Variants in SLC39A10 observed in about 807,000 individuals in gnomAD.
SLC39A10 encodes solute carrier family 39 member 10.
A neutral mutation model predicts 65.1 loss-of-function variants in SLC39A10; 13 were observed. The ratio of observed to expected loss-of-function variants is 0.20; its 90% CI spans 0.13 to 0.32. The LOEUF (loss-of-function observed/expected upper bound fraction) is 0.32. Among genes scored for constraint, SLC39A10 ranks in the 10% least tolerant of loss-of-function variants. The pLI is 1.00. For synonymous variants in SLC39A10, 321 were observed against 342.2 expected, an observed-to-expected ratio of 0.94 and a Z score of 0.68; for missense variants, 831 against 1,018.4, an observed-to-expected ratio of 0.82 and a Z score of 2.50.
chr2:195,715,361 A>G (rs935702890), intron 6 of SLC39A10, among the ~76,000 whole-genome samples: 9 of 152,046 alleles, frequency 5.9e-5, no homozygotes, highest in African/African-American at 1.7e-4. Flanking sequence ...CCCCGTCTCT[A>G]CTAAGAATAC....
At chr2:195,657,775 G>A (rs1689214670) in intron 1 of SLC39A10, among the ~76,000 whole-genome samples, 1 of 152,152 alleles carries the variant, frequency 6.6e-6, no homozygotes, top group African/African-American at 2.4e-5. Flanking sequence ...CCAGCGCCCC[G>A]GTTTTTTCTT....
intron 1 of SLC39A10, among the ~76,000 whole-genome samples, chr2:195,662,227 T>C (rs900528047): frequency 6.6e-6 from 1 of 152,124 alleles, no homozygotes; most frequent in East Asian, 1.9e-4. Flanking sequence ...TCAGTCACTT[T>C]TAGTGTAGTA....
chr2:195,616,653 G>T (rs1387855519), intron 2 of SLC39A10, among the ~76,000 whole-genome samples: 1 of 150,930 alleles, frequency 6.6e-6, no homozygotes, highest in Non-Finnish European at 1.5e-5. Context: ...GCCCAGGCTG[G>T]AGTGCAGTGG....
chr2:195,634,068 G>T (rs1688650003), intron 2 of SLC39A10, among the ~76,000 whole-genome samples: 1 of 152,210 alleles, frequency 6.6e-6, no homozygotes, highest in Non-Finnish European at 1.5e-5. Flanking sequence ...GGTATCAAAA[G>T]ATAGAGCAAC....
intron 2 of SLC39A10, among the ~76,000 whole-genome samples, chr2:195,621,669 G>A (rs1193688800): frequency 1.3e-5 from 2 of 152,126 alleles, no homozygotes; most frequent in Non-Finnish European, 2.9e-5. Flanking sequence ...CAGCACTGTT[G>A]GAACAGATCA....
At position 195,617,955 on chromosome 2, in the gene SLC39A10, G is replaced by A. The variant is rs535590186; in HGVS notation, c.-12+11722G>A. On this transcript the variant is annotated intron_variant, in intron 2 of 2. Coordinates refer to the SLC39A10 transcript ENST00000458054. ...GGGGTTTCACCATGTTAGCCAGGATGGTCTCAATCTCCAGACCTCGTGATC... is the reference window on the plus strand; with the variant it reads ...GGGGTTTCACCATGTTAGCCAGGATAGTCTCAATCTCCAGACCTCGTGATC... Among the ~76,000 whole-genome samples, 286 of 149,290 alleles carry A rather than the reference G, an allele frequency of 1.9e-3. 1 individual carries two copies. The highest frequency in any genetic ancestry group is 6.6e-3 in the African/African-American group (270 of 40,930).
At position 195,735,117 on chromosome 2, in the gene SLC39A10, A is replaced by G. The variant is rs1692550518; in HGVS notation, c.*76A>G. The G allele has an allele frequency of 1.4e-6, 2 of 1,444,280 alleles. No homozygotes were observed. Among genetic ancestry groups the G allele is most frequent in the Admixed American group, 2.4e-5 (1 of 41,018 alleles). The allele number at this position is 1,444,280 out of a possible 1,614,324, so 89.5% of individuals were successfully genotyped here. A position where few individuals can be genotyped will look rare whatever the true frequency, so the allele number is the denominator to read the frequency against. ...CATCTGTTCCTTGTACTGTATGCAC[A>G]TTGCTCAAAGGAAAGTCAGTGGCTT... is the stretch of plus-strand genomic sequence containing the variant. On this transcript the variant is annotated 3_prime_UTR_variant, in exon 10 of 10. Coordinates refer to ENST00000359634, the MANE Select transcript of SLC39A10 (RefSeq NM_020342.3).
At chr2:195,724,995 A>C (rs989446303) in intron 8 of SLC39A10, among the ~76,000 whole-genome samples, 4 of 152,154 alleles carry the variant, frequency 2.6e-5, no homozygotes, top group African/African-American at 9.6e-5. Context: ...ATCTTCAACA[A>C]AAGTACAAAG....
chr2:195,631,955 C>T (rs1688594407), intron 2 of SLC39A10, among the ~76,000 whole-genome samples: 1 of 152,136 alleles, frequency 6.6e-6, no homozygotes, highest in African/African-American at 2.4e-5. Context: ...GTGGCATGAT[C>T]ATGGCTCACT....
intron 3 of SLC39A10, among the ~76,000 whole-genome samples, chr2:195,704,795 T>TGTTG (rs1691336389): frequency 6.9e-6 from 1 of 145,594 alleles, no homozygotes; most frequent in African/African-American, 2.6e-5. Context: ...TTTTTGTTGT[T>TGTTG]GTTGTTTGTT....
chr2:195,687,710 A>T (rs1475052376), intron 3 of SLC39A10, among the ~76,000 whole-genome samples: 3 of 152,210 alleles, frequency 2.0e-5, no homozygotes, highest in African/African-American at 7.2e-5. Flanking sequence ...AACTTGTTCT[A>T]TATAAATCTC....
intron 2 of SLC39A10, among the ~76,000 whole-genome samples, chr2:195,614,938 C>G (rs76042750): frequency 0.073 from 11,027 of 152,052 alleles, 426 homozygotes; most frequent in Middle Eastern, 0.1. Flanking sequence ...GTGGTCCTAG[C>G]TACTCGAGAG....
chr2:195,664,827 C>T (rs894100899), intron 1 of SLC39A10, among the ~76,000 whole-genome samples: 7 of 152,214 alleles, frequency 4.6e-5, no homozygotes, highest in East Asian at 3.9e-4. Context: ...GGAATTCATT[C>T]GAAGCAAGTA....
chr2:195,722,532 C>T (rs1692084069), intron 8 of SLC39A10, among the ~76,000 whole-genome samples: 1 of 152,194 alleles, frequency 6.6e-6, no homozygotes, highest in African/African-American at 2.4e-5. Context: ...GTCAGTGTCC[C>T]TACTCTGATC....
rs1329110171 is a variant in SLC39A10 at position 195,623,923 on chromosome 2, AC to A, written c.-12+17691del. On this transcript the variant is annotated intron_variant, in intron 2 of 2. Transcript: ENST00000458054. ...AAACCACACACACACACACACACAC[AC>A]ACACACACACACACACCGTCTTAGA... Among the ~76,000 whole-genome samples the A allele has an allele frequency of 2.4e-4, 36 of 151,950 alleles. 1 individual carries two copies. In the East Asian group the frequency reaches 5.8e-3, roughly 24 times the overall value.
In SLC39A10 at chr2:195,680,147, G is replaced by A. The variant is rs747809071; in HGVS notation, c.105G>A (p.Ala35=). The A allele has an allele frequency of 4.3e-6, 7 of 1,613,868 alleles. No individual in the cohort carries two copies. Among genetic ancestry groups the A allele is most frequent in the East Asian group, 4.5e-5 (2 of 44,886 alleles). The change falls in exon 2 of 10, where the codon GCG becomes GCA. Residue 35 remains alanine, a synonymous_variant. Coordinates refer to ENST00000359634, the MANE Select transcript of SLC39A10 (RefSeq NM_020342.3). Reference sequence around the variant, plus strand: ...AAGAACATGACCATGGCCCTGAAGCGCTTCACAGACAGCATCGTGGAATGA... The same window carrying A: ...AAGAACATGACCATGGCCCTGAAGCACTTCACAGACAGCATCGTGGAATGA... ...CHEEHDHGPE[A]LHRQHRGMTE...
At chr2:195,657,621 C>T (rs993601665) in intron 1 of SLC39A10, 3 of 985,310 alleles carry the variant, frequency 3.0e-6, no homozygotes, top group Middle Eastern at 5.2e-4. Context: ...TTGGCGGAGC[C>T]TCGCGGGCCG....
intron 3 of SLC39A10, among the ~76,000 whole-genome samples, chr2:195,704,321 A>C (rs962486852): frequency 1.3e-5 from 2 of 152,208 alleles, no homozygotes; most frequent in Admixed American, 6.5e-5. Context: ...ATATATTTGT[A>C]AAGGGAAAGT....
At chr2:195,698,622 A>G (rs999300304) in intron 3 of SLC39A10, among the ~76,000 whole-genome samples, 1 of 151,390 alleles carries the variant, frequency 6.6e-6, no homozygotes, top group Admixed American at 6.6e-5. Flanking sequence ...GGATTTTTAT[A>G]TATTGAACTT....
Sources: gnomAD v4.1 joint callset for allele counts (sites outside exome capture counted in the v4.1 genomes callset) on GRCh38, gnomAD v4.1.1 for gene constraint, MANE v1.5 for transcripts, NCBI Gene and HGNC (gene_info 2026-07-23, HGNC 2026-07-21) for gene names.